Variants in TRDN observed in about 807,000 individuals in gnomAD.
The protein encoded by TRDN is triadin in skeletal muscle.
Under a neutral mutation model 149.7 loss-of-function variants are expected in TRDN, and 161 were observed. The ratio of observed to expected loss-of-function variants is 1.08; its 90% confidence interval spans 0.95 to 1.23. The LOEUF is 1.23. TRDN is among the 50% of genes most tolerant of loss of function. TRDN has a pLI of 0.00. For missense variants in TRDN, 896 were observed against 823.5 expected (o/e 1.09, Z -1.08); for synonymous variants, 294 against 250.5 (o/e 1.17, Z -1.64).
At chr6:123,561,679 C>T (rs1562390453) in intron 2 of TRDN, among the ~76,000 whole-genome samples, 1 of 152,096 alleles carries the variant, frequency 6.6e-6, no homozygotes, top group Non-Finnish European at 1.5e-5. Context: ...TCAATTCATA[C>T]AAAACCGTAT....
intron 1 of TRDN, among the ~76,000 whole-genome samples, chr6:123,616,218 G>C (rs938695156): frequency 6.6e-6 from 1 of 152,078 alleles, no homozygotes; most frequent in Non-Finnish European, 1.5e-5. Flanking sequence ...CGTGGCATGT[G>C]CCTGTGCTTG....
At chr6:123,633,699 T>C (rs1043070892) in intron 1 of TRDN, among the ~76,000 whole-genome samples, 1 of 152,118 alleles carries the variant, frequency 6.6e-6, no homozygotes, top group South Asian at 2.1e-4. Context: ...GTCCTATTTC[T>C]AATTTATCTA....
intron 7 of TRDN, among the ~76,000 whole-genome samples, chr6:123,505,061 G>T (rs933509554): frequency 5.3e-5 from 8 of 151,722 alleles, no homozygotes; most frequent in Non-Finnish European, 1.0e-4. Flanking sequence ...CTGGCTAACA[G>T]GGTGAAACCC....
intron 7 of TRDN, among the ~76,000 whole-genome samples, chr6:123,504,355 T>C (rs995540356): frequency 6.6e-6 from 1 of 152,188 alleles, no homozygotes; most frequent in South Asian, 2.1e-4. Context: ...TTAAGGGTCA[T>C]TCAAGAAACT....
chr6:123,434,380 G>A (rs1324588072), intron 12 of TRDN, among the ~76,000 whole-genome samples: 1 of 152,144 alleles, frequency 6.6e-6, no homozygotes, highest in Non-Finnish European at 1.5e-5. Flanking sequence ...CAGAGCAGAT[G>A]AATGATTTGG....
intron 24 of TRDN, among the ~76,000 whole-genome samples, chr6:123,315,484 A>G (rs1451067940): frequency 6.6e-6 from 1 of 151,974 alleles, no homozygotes; most frequent in Non-Finnish European, 1.5e-5. Context: ...AAATGACTTT[A>G]ATAATTTAAT....
rs1782967257 is a variant in TRDN at position 123,578,552 on chromosome 6, C to CT, written c.23-7421dup. Among the ~76,000 whole-genome samples, 9 of 152,150 alleles carry CT rather than the reference C, an allele frequency of 5.9e-5. No individual in the cohort carries two copies. The South Asian group carries it at 1.9e-3, about 32-fold the overall frequency. On this transcript the variant is annotated intron_variant, in intron 1 of 40. Coordinates refer to ENST00000334268, the MANE Select transcript of TRDN (RefSeq NM_006073.4). The stretch of plus-strand genomic sequence containing the variant: ...TATGAGTACCATGCTATTTCGCTCA[C>CT]TGTAGCCCTGTAGTATGGTTTGAAG...
At chr6:123,364,625 T>C (rs533858969) in intron 20 of TRDN, among the ~76,000 whole-genome samples, 2 of 152,158 alleles carry the variant, frequency 1.3e-5, no homozygotes, top group Non-Finnish European at 2.9e-5. Flanking sequence ...TCCAGCCTGG[T>C]GACAGAGAAA....
At chr6:123,590,108 C>T (rs888908714) in intron 1 of TRDN, among the ~76,000 whole-genome samples, 1 of 152,136 alleles carries the variant, frequency 6.6e-6, no homozygotes. Flanking sequence ...CCCCAACCCC[C>T]AGGCCACGGA....
intron 1 of TRDN, among the ~76,000 whole-genome samples, chr6:123,601,447 A>G (rs888720341): frequency 6.6e-6 from 1 of 152,140 alleles, no homozygotes; most frequent in African/African-American, 2.4e-5. Flanking sequence ...TGTACATTGA[A>G]TAGCAGGTTT....
intron 28 of TRDN, 34 bp downstream of exon 28, chr6:123,273,303 A>G (rs1448064499): frequency 9.2e-7 from 1 of 1,084,680 alleles, no homozygotes; most frequent in South Asian, 1.7e-5. Flanking sequence ...TTTCGTAAGA[A>G]AGTCTAAGCA....
chr6:123,593,261 G>C (rs192608436), intron 1 of TRDN, among the ~76,000 whole-genome samples: 5 of 152,324 alleles, frequency 3.3e-5, no homozygotes, highest in Non-Finnish European at 4.4e-5. Context: ...ATTTCTGGAG[G>C]TATATATGAC....
At chr6:123,252,275 A>G (rs1776401186) in intron 38 of TRDN, 137 bp downstream of exon 38, 2 of 428,222 alleles carry the variant, frequency 4.7e-6, no homozygotes, top group Admixed American at 4.4e-5. Flanking sequence ...AATAAAAGCT[A>G]ATAAATTCCT....
At chr6:123,604,048 A>G (rs1029077862) in intron 1 of TRDN, among the ~76,000 whole-genome samples, 4 of 152,212 alleles carry the variant, frequency 2.6e-5, no homozygotes, top group Admixed American at 1.3e-4. Flanking sequence ...GATTGCTACA[A>G]CTAACTCAAC....
At chr6:123,489,459 C>G (rs1032905651) in intron 9 of TRDN, 1 of 151,996 alleles carries the variant, frequency 6.6e-6, no homozygotes, top group Non-Finnish European at 1.5e-5. Context: ...TTAAGCAGTT[C>G]TGTTTATAAA....
chr6:123,577,226 G>A (rs1214399725), intron 1 of TRDN, among the ~76,000 whole-genome samples: 3 of 151,948 alleles, frequency 2.0e-5, no homozygotes, highest in Non-Finnish European at 2.9e-5. Context: ...TTGTTGTACA[G>A]GTTATTTCAT....
intron 1 of TRDN, among the ~76,000 whole-genome samples, chr6:123,617,206 C>A (rs1185516667): frequency 1.3e-5 from 2 of 152,000 alleles, no homozygotes; most frequent in Admixed American, 1.3e-4. Flanking sequence ...GTGAAGGATA[C>A]CCATTCCAAA....
chr6:123,309,288 G>C (rs1778727250), intron 24 of TRDN, among the ~76,000 whole-genome samples: 1 of 151,666 alleles, frequency 6.6e-6, no homozygotes, highest in South Asian at 2.1e-4. Context: ...CTAGCCATGT[G>C]ACTCCTGGAA....
chr6:123,370,161 C>T (rs535737847), intron 19 of TRDN, among the ~76,000 whole-genome samples: 2 of 152,212 alleles, frequency 1.3e-5, no homozygotes, highest in African/African-American at 4.8e-5. Context: ...AGAATATCGC[C>T]AAGGCCTTTG....
Sources: gnomAD v4.1 joint callset for allele counts (sites outside exome capture counted in the v4.1 genomes callset) on GRCh38, gnomAD v4.1.1 for gene constraint, MANE v1.5 for transcripts, NCBI Gene and HGNC (gene_info 2026-07-23, HGNC 2026-07-21) for gene names.